The following TTC39C variants were observed in gnomAD, a reference collection of about 807,000 sequenced individuals.
The protein encoded by TTC39C is tetratricopeptide repeat domain 39C, also known as tetratricopeptide repeat protein 39C.
In TTC39C, 33 loss-of-function variants were observed where a neutral mutation model predicts 76.3. That is an observed-to-expected ratio of 0.43 (90% CI 0.33 to 0.58). The LOEUF (loss-of-function observed/expected upper bound fraction) is 0.58. TTC39C is among the 20% of genes least tolerant of loss of function. The pLI, the probability that TTC39C is intolerant of heterozygous loss-of-function variation, is 0.04. For synonymous variants in TTC39C, 254 were observed against 260.6 expected (o/e 0.97, Z 0.24); for missense variants, 595 against 701.4 (o/e 0.85, Z 1.71).
At chr18:24,064,236 A>G (rs2084137890) in intron 2 of TTC39C, 48 bp downstream of exon 2, 1 of 1,602,180 alleles carries the variant, frequency 6.2e-7, no homozygotes, top group Non-Finnish European at 8.5e-7. Flanking sequence ...ACAATTATAT[A>G]AAGTAATGTC....
At chr18:24,129,052 A>G in intron 11 of TTC39C, 69 bp downstream of exon 11, 1 of 1,274,518 alleles carries the variant, frequency 7.8e-7, no homozygotes, top group Non-Finnish European at 1.1e-6. Context: ...CTTGTGAATA[A>G]GAAAAATGAA....
At chr18:24,073,625 C>T (rs1181575337) in intron 4 of TTC39C, among the ~76,000 whole-genome samples, 5 of 152,092 alleles carry the variant, frequency 3.3e-5, no homozygotes, top group Non-Finnish European at 7.4e-5. Flanking sequence ...AAGTGATCCT[C>T]TTGCCTCAGC....
At chr18:24,107,061 C>T (rs912757580) in intron 6 of TTC39C, among the ~76,000 whole-genome samples, 2 of 152,118 alleles carry the variant, frequency 1.3e-5, no homozygotes, top group African/African-American at 4.8e-5. Context: ...CTATTCTTTT[C>T]GCAACTCTAG....
At chr18:24,045,892 A>AATATATATATATATATAT (rs1212560698) in intron 1 of TTC39C, among the ~76,000 whole-genome samples, 16 of 61,210 alleles carry the variant, frequency 2.6e-4, no homozygotes, top group African/African-American at 7.1e-4. Flanking sequence ...CTTCTGTGAA[A>AATATATATATATATATAT]ATATATATAT....
intron 1 of TTC39C, 123 bp from the exon 2 acceptor site, chr18:24,064,017 C>T: frequency 3.7e-6 from 5 of 1,367,548 alleles, no homozygotes; most frequent in South Asian, 3.1e-5. Context: ...GCTTGATGAC[C>T]TTAACTTCTT....
In TTC39C at chr18:24,080,949, T is replaced by TAAA; in HGVS notation, c.815+10_815+11insAAA. On this transcript the variant is annotated intron_variant, in intron 5 of 13. Coordinates refer to ENST00000317571, the MANE Select transcript of TTC39C (RefSeq NM_001135993.2). ...AGGCCCCTTTAGCTACGTGAGTAGC[T>TAAA]GTATTGCAATGCTTTGGTAGATAAT... The TAAA allele has an allele frequency of 6.3e-7, 1 of 1,595,918 alleles. No individual in the cohort carries two copies. The highest frequency in any genetic ancestry group is 8.5e-7 in the Non-Finnish European group (1 of 1,169,906).
chr18:24,028,809 G>A (rs1032231544), intron 1 of TTC39C, among the ~76,000 whole-genome samples: 1 of 151,526 alleles, frequency 6.6e-6, no homozygotes, highest in Admixed American at 6.6e-5. Flanking sequence ...TGCAACCTCT[G>A]CTTCCCGGGT....
intron 1 of TTC39C, among the ~76,000 whole-genome samples, chr18:24,056,492 G>A (rs954508011): frequency 1.8e-4 from 27 of 152,292 alleles, no homozygotes; most frequent in Non-Finnish European, 3.5e-4. Flanking sequence ...GTGAGGGACT[G>A]TTTTACAGTA....
intron 1 of TTC39C, among the ~76,000 whole-genome samples, chr18:24,007,776 A>G (rs2083365748): frequency 6.6e-6 from 1 of 152,228 alleles, no homozygotes; most frequent in Admixed American, 6.5e-5. Context: ...TATTCGAAAC[A>G]GTTTAAATTA....
chr18:23,999,372 A>G (rs1341454129), intron 1 of TTC39C, among the ~76,000 whole-genome samples: 1 of 152,204 alleles, frequency 6.6e-6, no homozygotes, highest in Non-Finnish European at 1.5e-5. Flanking sequence ...ACAGCCACGC[A>G]GGACTCTCTG....
At chr18:24,075,676 C>A (rs1191266221) in intron 4 of TTC39C, among the ~76,000 whole-genome samples, 2 of 139,052 alleles carry the variant, frequency 1.4e-5, no homozygotes, top group African/African-American at 5.7e-5. Context: ...CCAAGTGAGA[C>A]CTTGTCTCAA....
chr18:24,114,609 A>C lies in TTC39C; in HGVS notation c.1040A>C (p.Asp347Ala). 1 of 1,614,054 alleles carries C rather than the reference A, an allele frequency of 6.2e-7. No individual in the cohort carries two copies. The highest frequency in any genetic ancestry group is 8.5e-7 in the Non-Finnish European group (1 of 1,179,968). The change falls in exon 7 of 14, where the codon GAC (aspartate) becomes GCC (alanine). Residue 347 changes from aspartate to alanine, a missense_variant. Asp to Ala is a moderately radical substitution (Grantham distance 126). Transcript: ENST00000317571. Reference sequence around the variant, plus strand: ...CACACTGCTTTGGAACTTGCAGTAGACCAGAGAGAAATTCAACATGTCTGT... The same window carrying C: ...CACACTGCTTTGGAACTTGCAGTAGCCCAGAGAGAAATTCAACATGTCTGT... Reference protein sequence around the residue: ...SFHTALELAVDQREIQHVCLY... With the variant: ...SFHTALELAVAQREIQHVCLY...
chr18:24,024,900 A>G (rs909847154), intron 1 of TTC39C, among the ~76,000 whole-genome samples: 4 of 152,306 alleles, frequency 2.6e-5, no homozygotes, highest in Admixed American at 1.3e-4. Flanking sequence ...TGACAGTCTC[A>G]CTGTATCTCC....
At chr18:24,054,790 C>T (rs1568420733) in intron 1 of TTC39C, among the ~76,000 whole-genome samples, 1 of 152,138 alleles carries the variant, frequency 6.6e-6, no homozygotes, top group Non-Finnish European at 1.5e-5. Flanking sequence ...TTCAAGTTTA[C>T]AGTTCAGTCA....
At chr18:24,001,000 G>C (rs1173104831) in intron 1 of TTC39C, among the ~76,000 whole-genome samples, 1 of 152,146 alleles carries the variant, frequency 6.6e-6, no homozygotes, top group Non-Finnish European at 1.5e-5. Flanking sequence ...TGATCCAATG[G>C]CTTCTGTGTC....
At chr18:24,026,960 T>A (rs936004205) in intron 1 of TTC39C, among the ~76,000 whole-genome samples, 8 of 152,190 alleles carry the variant, frequency 5.3e-5, no homozygotes, top group African/African-American at 1.9e-4. Context: ...ACATTTTGAA[T>A]CCAAATTCAA....
chr18:24,018,111 C>A (rs1307461766), intron 1 of TTC39C, among the ~76,000 whole-genome samples: 3 of 152,204 alleles, frequency 2.0e-5, no homozygotes, highest in Admixed American at 6.5e-5. Context: ...TATAGGGCAG[C>A]TCCCTGGTTG....
At chr18:24,036,458 T>C (rs537857306) in intron 1 of TTC39C, among the ~76,000 whole-genome samples, 1 of 152,340 alleles carries the variant, frequency 6.6e-6, no homozygotes, top group South Asian at 2.1e-4. Flanking sequence ...TATTCCTAAG[T>C]ATTTTATTCT....
chr18:24,012,040 T>C (rs545373232), upstream of TTC39C, among the ~76,000 whole-genome samples: 7 of 152,296 alleles, frequency 4.6e-5, no homozygotes, highest in South Asian at 4.1e-4. Context: ...AACCTGACAT[T>C]TTTATCGAGT....
Sources: allele counts gnomAD v4.1 joint callset (sites outside exome capture counted in the v4.1 genomes callset), GRCh38; gene constraint gnomAD v4.1.1; transcripts MANE v1.5; gene names NCBI Gene and HGNC (gene_info 2026-07-23, HGNC 2026-07-21).